HUWE1: variants seen among roughly 807,000 people sequenced by gnomAD.
HUWE1 encodes the protein HECT, UBA and WWE domain containing E3 ubiquitin protein ligase 1, also known as E3 ubiquitin-protein ligase HUWE1.
In HUWE1, 18 loss-of-function variants were observed where a neutral mutation model predicts 299.4. That is an observed-to-expected ratio of 0.06 (90% CI 0.04 to 0.09). The LOEUF (loss-of-function observed/expected upper bound fraction) is 0.09, where lower values mean the gene tolerates loss of function less well. Among genes scored for constraint, HUWE1 ranks in the 10% least tolerant of loss-of-function variants. The pLI is 1.00. For synonymous variants in HUWE1, 1,317 were observed against 1,286.1 expected, an observed-to-expected ratio of 1.02 and a Z score of -0.51; for missense variants, 1,832 against 3,462.3, an observed-to-expected ratio of 0.53 and a Z score of 11.82.
At chrX:53,671,948 A>G (rs2069567649) in intron 3 of HUWE1, among the ~76,000 whole-genome samples, 1 of 110,531 alleles carries the variant, frequency 9.0e-6, no homozygotes, top group Non-Finnish European at 1.9e-5. Context: ...CACCTGAGGG[A>G]AAAGTATGAA....
At position 53,573,941 on chromosome X, in the gene HUWE1, C is replaced by T; in HGVS notation, c.6121G>A (p.Asp2041Asn). Residue 2041 changes from aspartate to asparagine, a missense_variant, in exon 47 of 84, where the codon GAT becomes AAT. By Grantham distance (23) the Asp-to-Asn change is conservative. Transcript: ENST00000262854. ...GEASTPEESR[D>N]GKKDKEGDRA... is the part of the protein sequence containing the mutation. ...TCCCCTTCTTTATCTTTCTTCCCAT[C>T]TCGAGACTCCTCTGGAGTTGAAGCT... 7.4e-6 allele frequency: 9 copies of T among 1,210,297 alleles called. No homozygotes were observed. The highest frequency in any genetic ancestry group is 8.9e-6 in the Non-Finnish European group (8 of 894,612).
chrX:53,611,928 T>C (rs1248541981), intron 23 of HUWE1, among the ~76,000 whole-genome samples: 1 of 110,082 alleles, frequency 9.1e-6, no homozygotes, highest in Non-Finnish European at 1.9e-5. Context: ...GTATAAGGCA[T>C]TGGAAAACAA....
At chrX:53,619,504 C>CTG (rs2065993389) in intron 19 of HUWE1, among the ~76,000 whole-genome samples, 1 of 104,372 alleles carries the variant, frequency 9.6e-6, no homozygotes, top group Admixed American at 1.1e-4. Flanking sequence ...GAGCAACCAG[C>CTG]TGTGTGTGGA....
At chrX:53,641,058 CAAAGATCTTA>C (rs2067555889) in intron 7 of HUWE1, among the ~76,000 whole-genome samples, 1 of 111,405 alleles carries the variant, frequency 9.0e-6, no homozygotes, top group East Asian at 2.8e-4. Flanking sequence ...AAACTCTTAT[CAAAGATCTTA>C]AAAGTCACCT....
chrX:53,535,262 C>G lies in HUWE1; in HGVS notation c.12649+122G>C. On this transcript the variant is annotated intron_variant, in intron 81 of 83. Coordinates refer to ENST00000262854, the MANE Select transcript of HUWE1 (RefSeq NM_031407.7). ...AAGTATTTTTGATCAAGTGTTTTGTCTTTTGTGCAAGGCATTTGTGGCTCT... is the reference window on the plus strand; with the variant it reads ...AAGTATTTTTGATCAAGTGTTTTGTGTTTTGTGCAAGGCATTTGTGGCTCT... 3 of 554,399 alleles carry G rather than the reference C, an allele frequency of 5.4e-6. No individual in the cohort carries two copies. In the Admixed American group the frequency reaches 7.0e-5, roughly 13 times the overall value. 45.7% of individuals were successfully genotyped at this position (554,399 alleles called of 1,213,427 possible).
chrX:53,655,388 C>G (rs2036658), intron 3 of HUWE1, among the ~76,000 whole-genome samples: 45,520 of 110,945 alleles, frequency 0.41, 8,123 homozygotes, highest in Middle Eastern at 0.55. Flanking sequence ...AGCAGGCATT[C>G]AAGGAAGAGT....
rs2061821523 is a variant in HUWE1 at position 53,552,857 on chromosome X, G to T, written c.8531C>A (p.Ala2844Glu). 2 of 1,211,148 alleles carry T rather than the reference G, an allele frequency of 1.7e-6. No homozygotes were observed. Among genetic ancestry groups the T allele is most frequent in the Non-Finnish European group, 1.1e-6 (1 of 894,814 alleles). ...TAGCTGACTGCTGACAGCCGTCAGT[G>T]CATCAGAATCCTCAGCTCTCTCTGG... ...LSPERAEDSD[A>E]LTAVSSQLEG... Residue 2844 changes from alanine (A) to glutamate (E), a missense_variant, in exon 62 of 84, where the codon GCA (alanine) becomes GAA (glutamate). Around this residue, in one of 15 missense-constraint regions of HUWE1, gnomAD observed 143 missense variants for 148.1 expected, o/e 0.97. Coordinates refer to ENST00000262854, the MANE Select transcript of HUWE1 (RefSeq NM_031407.7).
chrX:53,652,625 AAC>A (rs2068543457), intron 4 of HUWE1, among the ~76,000 whole-genome samples: 1 of 112,230 alleles, frequency 8.9e-6, no homozygotes, highest in Non-Finnish European at 1.9e-5. Flanking sequence ...TAGATGCCAA[AAC>A]ACATCAAAAA....
Position 53,624,501 on chromosome X carries a change from ATAAATAAG to A in HUWE1, c.1672+86_1672+93del, listed in dbSNP as rs1177154158. The A allele has an allele frequency of 1.1e-5, 7 of 637,334 alleles. No homozygotes were observed. The African/African-American group carries it at 1.1e-4, about 10-fold the overall frequency. The allele number at this position is 637,334 out of a possible 1,213,427, so 52.5% of individuals were successfully genotyped here. On this transcript the variant is annotated intron_variant, in intron 19 of 83. Transcript: ENST00000262854. ...AATAGAGTGAGACTCTGTCTCAAAA[ATAAATAAG>A]TAAATAAGTAAGTAAGTAAATACAG...
At position 53,594,554 on chromosome X, in the gene HUWE1, A is replaced by G. The variant is rs782016418; in HGVS notation, c.3448T>C (p.Tyr1150His). The G allele has an allele frequency of 8.3e-7, 1 of 1,207,576 alleles. No individual in the cohort carries two copies. ...PMLFDERKYP[Y>H]HLMLQKFLCS... is the part of the protein sequence containing the mutation. ...AGAAATTTTTGCAGCATGAGGTGGTAGGGATACTTCCTCTCATCAAACAGC... is the reference window on the plus strand; with the variant it reads ...AGAAATTTTTGCAGCATGAGGTGGTGGGGATACTTCCTCTCATCAAACAGC... The change falls in exon 31 of 84, where the codon TAC becomes CAC. Residue 1150 changes from tyrosine (Y) to histidine (H), a missense_variant. Around this residue, in one of 15 missense-constraint regions of HUWE1, gnomAD observed 658 missense variants for 1,282.6 expected, o/e 0.51. Coordinates refer to ENST00000262854, the MANE Select transcript of HUWE1 (RefSeq NM_031407.7).
chrX:53,560,541 T>C, intron 55 of HUWE1, 125 bp from the exon 56 acceptor site: 1 of 570,447 alleles, frequency 1.8e-6, no homozygotes, highest in Non-Finnish European at 2.9e-6. Flanking sequence ...CCTTTCTCCC[T>C]CATTCCCACA....
Position 53,535,335 on chromosome X carries a change from G to A in HUWE1, c.12649+49C>T, listed in dbSNP as rs186050283. 4.9e-4 allele frequency: 398 copies of A among 810,321 alleles called. 3 individuals are homozygous for A. The Admixed American group carries it at 6.8e-3, about 14-fold the overall frequency. 66.8% of individuals were successfully genotyped at this position (810,321 alleles called of 1,213,427 possible). ...CATGCCTATCAAATGAATCAAGTCC[G>A]ACCTCTTCTCATATTGAGCAACTAG... On this transcript the variant is annotated intron_variant, in intron 81 of 83. Transcript: ENST00000262854.
rs781988279 is a variant in HUWE1 at position 53,593,593 on chromosome X, T to C, written c.3512A>G (p.Asn1171Ser). 8.4e-7 allele frequency: 1 copy of C among 1,193,747 alleles called. No homozygotes were observed. The highest frequency in any genetic ancestry group is 2.2e-5 in the Admixed American group (1 of 46,018). ...TTTACCTCCCATGGACAGAGCCCAG[T>C]TGAAAGTTCTAAATTCAAATAAGGA... ...GGHNALFETF[N>S]WALSMGGKVP... Residue 1171 changes from asparagine (N) to serine (S), a missense_variant, in exon 32 of 84, where the codon AAC becomes AGC. By Grantham distance (46) the Asn-to-Ser change is conservative (BLOSUM62 1). Coordinates refer to ENST00000262854, the MANE Select transcript of HUWE1 (RefSeq NM_031407.7).
At chrX:53,657,217 C>T (rs2068788808) in intron 3 of HUWE1, among the ~76,000 whole-genome samples, 1 of 111,950 alleles carries the variant, frequency 8.9e-6, no homozygotes, top group African/African-American at 3.2e-5. Flanking sequence ...AAAATATCTA[C>T]AAAAAAAGCT....
intron 11 of HUWE1, 69 bp downstream of exon 11, chrX:53,631,345 C>T: frequency 1.2e-6 from 1 of 850,635 alleles, no homozygotes; most frequent in Non-Finnish European, 1.7e-6. Context: ...AATCTCCCAC[C>T]CCAGTACATA....
intron 13 of HUWE1, 32 bp downstream of exon 13, chrX:53,629,484 G>A (rs1557020904): frequency 7.2e-6 from 7 of 971,425 alleles, no homozygotes; most frequent in Non-Finnish European, 1.0e-5. Flanking sequence ...AAGTGTTACA[G>A]CTAAGGGTTA....
rs1556970140 is a variant in HUWE1 at position 53,583,637 on chromosome X, T to C, written c.5441A>G (p.Asn1814Ser). 2.5e-6 allele frequency: 3 copies of C among 1,211,010 alleles called. No homozygotes were observed. Among genetic ancestry groups the C allele is most frequent in the Admixed American group, 2.2e-5 (1 of 46,048 alleles). The change falls in exon 42 of 84, where the codon AAT becomes AGT. Residue 1814 changes from asparagine to serine, a missense_variant. This residue lies in a region of HUWE1 where 50 missense variants were observed against 114.9 expected (regional missense o/e 0.44). Coordinates refer to ENST00000262854, the MANE Select transcript of HUWE1 (RefSeq NM_031407.7). ...ILNLTQSSGF[N>S]GFTPLVTLLL... ...AAGGGTGACCAGGGGAGTAAACCCA[T>C]TGAAGCCTGAGCTCTGGGTCAAATT... is the stretch of plus-strand genomic sequence containing the variant.
At position 53,532,920 on chromosome X, in the gene HUWE1, AAT is replaced by A. The variant is rs1227316721; in HGVS notation, c.*387_*388del. ...TTAAGAAATGCAAACAGAACAAAAAAATATATATATATATAATTTTTTCCCCT... is the reference window on the plus strand; with the variant it reads ...TTAAGAAATGCAAACAGAACAAAAAAATATATATATATAATTTTTTCCCCT... On this transcript the variant is annotated 3_prime_UTR_variant, in exon 84 of 84. Transcript: ENST00000262854. 5.4e-5 allele frequency: 6 copies of A among 110,458 alleles called. No homozygotes were observed. Among genetic ancestry groups the A allele is most frequent in the Non-Finnish European group, 9.4e-5 (5 of 53,148 alleles). The allele number at this position is 110,458 out of a possible 1,213,427, so 9.1% of individuals were successfully genotyped here.
At chrX:53,602,465 T>C (rs781908149) in intron 28 of HUWE1, 99 bp downstream of exon 28, 3 of 525,223 alleles carry the variant, frequency 5.7e-6, no homozygotes, top group Non-Finnish European at 6.7e-6. Flanking sequence ...AACTAGACTA[T>C]GGATGATAGA....
Sources: allele counts gnomAD v4.1 joint callset (sites outside exome capture counted in the v4.1 genomes callset), GRCh38; gene constraint gnomAD v4.1.1; regional missense constraint gnomAD v4.1.1; transcripts MANE v1.5; gene names NCBI Gene and HGNC (gene_info 2026-07-23, HGNC 2026-07-21).